The following TMPRSS7 variants were observed in gnomAD, a reference collection of about 807,000 sequenced individuals.
TMPRSS7 encodes the protein transmembrane serine protease 7.
Under a neutral mutation model 95.6 loss-of-function variants are expected in TMPRSS7, and 81 were observed. The ratio of observed to expected loss-of-function variants is 0.85; its 90% CI spans 0.71 to 1.02. The LOEUF (loss-of-function observed/expected upper bound fraction) is 1.02. Among genes scored for constraint, TMPRSS7 ranks in the 50% least tolerant of loss-of-function variants. The pLI, the probability that TMPRSS7 is intolerant of heterozygous loss-of-function variation, is 0.00. For synonymous variants in TMPRSS7, 364 were observed against 337.8 expected, an observed-to-expected ratio of 1.08 and a Z score of -0.85; for missense variants, 945 against 955.2, an observed-to-expected ratio of 0.99 and a Z score of 0.14.
chr3:112,049,956 G>A lies in TMPRSS7; in HGVS notation c.1072G>A (p.Glu358Lys), dbSNP rs764967410. 4 of 1,570,814 alleles carry A rather than the reference G, an allele frequency of 2.5e-6. No individual in the cohort carries two copies. In the Admixed American group the frequency reaches 5.1e-5, roughly 20 times the overall value. ...GCTCTCAGGAATCCGGGCATATTTT[G>A]AGGTCATTCCAGAACAAAGTAAGTC... Residue 358 changes from glutamate (E) to lysine (K), a missense_variant, in exon 8 of 18, where the codon GAG becomes AAG. Coordinates refer to ENST00000452346, the Ensembl canonical transcript of TMPRSS7.
intron 2 of TMPRSS7, among the ~76,000 whole-genome samples, chr3:112,039,983 T>C (rs1322321893): frequency 1.3e-5 from 2 of 152,166 alleles, no homozygotes; most frequent in East Asian, 3.8e-4. Flanking sequence ...ATTGAATCAT[T>C]GGACATCCAG....
chr3:112,044,508 A>T (rs770683536), intron 4 of TMPRSS7, among the ~76,000 whole-genome samples, 186 bp downstream of exon 4: 8 of 152,092 alleles, frequency 5.3e-5, no homozygotes, highest in Non-Finnish European at 8.8e-5. Context: ...TTTGCTCTTT[A>T]TCCACCAAAT....
chr3:112,060,049 G>C (rs1166870890), intron 10 of TMPRSS7, among the ~76,000 whole-genome samples: 1 of 152,190 alleles, frequency 6.6e-6, no homozygotes, highest in African/African-American at 2.4e-5. Context: ...AAAGCTGGCT[G>C]TCTGGGGGAG....
chr3:112,057,149 GTTTT>G lies in TMPRSS7; in HGVS notation c.1310+19_1310+22del. 6.4e-7 allele frequency: 1 copy of G among 1,551,080 alleles called. No individual in the cohort carries two copies. Among genetic ancestry groups the G allele is most frequent in the Non-Finnish European group, 8.9e-7 (1 of 1,125,982 alleles). ...GAGCACATGTAAGTGATTTTCATAT[GTTTT>G]CATATGTGAGGCATCTGATGAAAAG... On this transcript the variant is annotated intron_variant, in intron 10 of 17. Coordinates refer to ENST00000452346, the Ensembl canonical transcript of TMPRSS7.
chr3:112,069,186 G>T (rs1184585699), intron 13 of TMPRSS7, among the ~76,000 whole-genome samples: 1 of 152,296 alleles, frequency 6.6e-6, no homozygotes, highest in African/African-American at 2.4e-5. Flanking sequence ...CTTGATCATG[G>T]TGGATAAGCT....
intron 3 of TMPRSS7, among the ~76,000 whole-genome samples, 198 bp downstream of exon 3, chr3:112,042,248 C>A (rs149917536): frequency 9.4e-4 from 143 of 152,154 alleles, no homozygotes; most frequent in Non-Finnish European, 1.7e-3. Flanking sequence ...CCCCCTGCCC[C>A]CATGCTCCAA....
At chr3:112,054,164 G>T (rs539268238) in intron 9 of TMPRSS7, among the ~76,000 whole-genome samples, 1 of 152,266 alleles carries the variant, frequency 6.6e-6, no homozygotes, top group South Asian at 2.1e-4. Context: ...GTGGGTTCTT[G>T]GGTTGTGTAC....
intron 13 of TMPRSS7, among the ~76,000 whole-genome samples, chr3:112,068,496 T>G (rs1042913263): frequency 6.6e-6 from 1 of 152,212 alleles, no homozygotes; most frequent in Non-Finnish European, 1.5e-5. Context: ...CACTTTCATT[T>G]TGTTGAGCAG....
intron 2 of TMPRSS7, among the ~76,000 whole-genome samples, chr3:112,040,371 A>C (rs2073193390): frequency 6.6e-6 from 1 of 152,198 alleles, no homozygotes; most frequent in South Asian, 2.1e-4. Context: ...TTGTGATGAC[A>C]GAAGAAAGAC....
At chr3:112,073,121 T>G (rs1351732204) in intron 13 of TMPRSS7, among the ~76,000 whole-genome samples, 1 of 150,212 alleles carries the variant, frequency 6.7e-6, no homozygotes, top group African/African-American at 2.5e-5. Context: ...AGACAGAATC[T>G]TGCTCTGTTG....
At chr3:112,052,936 A>T (rs2073380681) in intron 9 of TMPRSS7, among the ~76,000 whole-genome samples, 1 of 147,768 alleles carries the variant, frequency 6.8e-6, no homozygotes, top group African/African-American at 2.5e-5. Context: ...AAAAAAAAAA[A>T]AGTCTTTAGA....
At chr3:112,052,538 T>G (rs2073376920) in intron 9 of TMPRSS7, among the ~76,000 whole-genome samples, 2 of 152,082 alleles carry the variant, frequency 1.3e-5, no homozygotes, top group African/African-American at 4.8e-5. Context: ...GGACCCTTGC[T>G]CACTGCCAGG....
intron 10 of TMPRSS7, 125 bp downstream of exon 10, chr3:112,057,256 G>T: frequency 1.5e-6 from 1 of 673,628 alleles, no homozygotes. Flanking sequence ...GGATATAGGA[G>T]TTATGTAACT....
chr3:112,037,017 A>C (rs809582), intron 1 of TMPRSS7, among the ~76,000 whole-genome samples: 144,392 of 152,214 alleles, frequency 0.95, 68,564 homozygotes, highest in East Asian at 1. Context: ...GGATGTATGT[A>C]GCCTCAGGAC....
rs73856304 is a variant in TMPRSS7, at chr3:112,062,576, A to T, written c.1447+653A>T. Among the ~76,000 whole-genome samples, 900 of 152,298 alleles carry T rather than the reference A, an allele frequency of 5.9e-3. 9 individuals are homozygous for T. Among genetic ancestry groups the T allele is most frequent in the African/African-American group, 0.02 (839 of 41,568 alleles). On this transcript the variant is annotated intron_variant, in intron 11 of 17. Transcript: ENST00000452346. ...AGTCCACAGGGATATGACTTGAGAG[A>T]ACATTTCTTTAGACCATGTCCTTCT...
chr3:112,074,827 T>G (rs2073692619), intron 14 of TMPRSS7, among the ~76,000 whole-genome samples: 1 of 152,234 alleles, frequency 6.6e-6, no homozygotes, highest in Admixed American at 6.5e-5. Context: ...ATTAGTCATG[T>G]GGCTACTACT....
intron 8 of TMPRSS7, 144 bp from the exon 9 acceptor site, chr3:112,050,527 A>AAAAAAAAAAC: frequency 2.8e-6 from 1 of 351,662 alleles, no homozygotes; most frequent in Non-Finnish European, 5.3e-6. Context: ...CTTCTGAAAA[A>AAAAAAAAAAC]AAAAAAAAAA....
intron 13 of TMPRSS7, among the ~76,000 whole-genome samples, chr3:112,070,046 T>A (rs2073623200): frequency 6.6e-6 from 1 of 152,246 alleles, no homozygotes; most frequent in African/African-American, 2.4e-5. Flanking sequence ...CTCATTAGTT[T>A]CAAAGAACAT....
At chr3:112,080,509 T>G (rs1357581564) in intron 17 of TMPRSS7, among the ~76,000 whole-genome samples, 2 of 152,106 alleles carry the variant, frequency 1.3e-5, no homozygotes, top group Admixed American at 6.6e-5. Flanking sequence ...TAGCTAGCAC[T>G]AAATAAATTT....
Sources: gnomAD v4.1 joint callset for allele counts (sites outside exome capture counted in the v4.1 genomes callset) on GRCh38, gnomAD v4.1.1 for gene constraint, MANE v1.5 for transcripts, NCBI Gene and HGNC (gene_info 2026-07-23, HGNC 2026-07-21) for gene names.